The following LRP1B variants were observed in gnomAD, a reference collection of about 807,000 sequenced individuals.
LRP1B encodes LDL receptor related protein 1B, also known as low-density lipoprotein receptor-related protein 1B.
Under a neutral mutation model 556.6 loss-of-function variants are expected in LRP1B, and 217 were observed. That is an observed-to-expected ratio of 0.39 (90% CI 0.35 to 0.44). The LOEUF (loss-of-function observed/expected upper bound fraction) is 0.44, where lower values mean the gene tolerates loss of function less well. LRP1B is among the 20% of genes least tolerant of loss of function. The probability of loss-of-function intolerance (pLI) is 1.00; values close to 1 mark genes in which losing one functional copy is unlikely to be tolerated. For missense variants in LRP1B, 5,053 were observed against 5,620.8 expected, an observed-to-expected ratio of 0.90 and a Z score of 3.23; for synonymous variants, 2,047 against 1,865.8, an observed-to-expected ratio of 1.10 and a Z score of -2.50.
intron 57 of LRP1B, among the ~76,000 whole-genome samples, chr2:140,488,907 G>A (rs1465675420): frequency 6.6e-6 from 1 of 151,928 alleles, no homozygotes; most frequent in Non-Finnish European, 1.5e-5. Flanking sequence ...TTGCCGGGAG[G>A]AGGGAGAAAG....
intron 1 of LRP1B, among the ~76,000 whole-genome samples, chr2:142,055,101 A>G (rs953508528): frequency 1.3e-5 from 2 of 152,138 alleles, no homozygotes; most frequent in Admixed American, 6.6e-5. Flanking sequence ...ATAGGGATAT[A>G]ATAGTGGACA....
At chr2:140,717,996 T>C (rs558281719) in intron 35 of LRP1B, among the ~76,000 whole-genome samples, 2 of 152,152 alleles carry the variant, frequency 1.3e-5, no homozygotes, top group South Asian at 2.1e-4. Context: ...GGTAAAAACA[T>C]CAATTCACAT....
At chr2:141,837,508 T>C (rs981021611) in intron 1 of LRP1B, among the ~76,000 whole-genome samples, 6 of 152,076 alleles carry the variant, frequency 3.9e-5, no homozygotes, top group Non-Finnish European at 7.4e-5. Flanking sequence ...ATCTTAAGGG[T>C]ATCCTTGACC....
At chr2:141,425,796 G>C (rs1041234501) in intron 3 of LRP1B, among the ~76,000 whole-genome samples, 2 of 151,452 alleles carry the variant, frequency 1.3e-5, no homozygotes, top group African/African-American at 4.9e-5. Flanking sequence ...ATTTGTTTGA[G>C]TTCATTGTAG....
At chr2:141,055,983 G>T (rs1229961527) in intron 9 of LRP1B, among the ~76,000 whole-genome samples, 1 of 151,588 alleles carries the variant, frequency 6.6e-6, no homozygotes, top group African/African-American at 2.4e-5. Flanking sequence ...AAAGTGAAAA[G>T]AAATAATAGG....
chr2:140,415,709 A>C (rs1418185851), intron 66 of LRP1B, among the ~76,000 whole-genome samples: 1 of 152,174 alleles, frequency 6.6e-6, no homozygotes, highest in South Asian at 2.1e-4. Context: ...GCCTGGCCTG[A>C]GTTCTGAACA....
At chr2:141,145,318 G>A (rs10191985) in intron 7 of LRP1B, among the ~76,000 whole-genome samples, 151,709 of 152,160 alleles carry the variant, frequency 1, 75,629 homozygotes, top group Middle Eastern at 1. Context: ...CAGAACTTGA[G>A]TTATACTGTA....
At chr2:140,779,670 G>T (rs1174261072) in intron 32 of LRP1B, among the ~76,000 whole-genome samples, 2 of 149,346 alleles carry the variant, frequency 1.3e-5, no homozygotes, top group Admixed American at 6.7e-5. Flanking sequence ...ACTCGAGCCC[G>T]GGTGACAGAG....
At position 140,570,736 on chromosome 2, in the gene LRP1B, T is replaced by C. The variant is rs551536400; in HGVS notation, c.7194+27895A>G. ...CCACAAAAAAGAAAGTATAGACCCA[T>C]ATCCATGATGAATATCAGTACAAAA... On this transcript the variant is annotated intron_variant, in intron 43 of 90. Coordinates refer to ENST00000389484, the MANE Select transcript of LRP1B (RefSeq NM_018557.3). 7.9e-5 allele frequency among the ~76,000 whole-genome samples: 12 copies of C among 151,826 alleles called. No individual in the cohort carries two copies. The East Asian group carries it at 2.1e-3, about 27-fold the overall frequency.
Position 141,032,818 on chromosome 2 carries a change from T to TACATACATACATACATACATAC in LRP1B, c.1790-12717_1790-12716insGTATGTATGTATGTATGTATGT, listed in dbSNP as rs1698411329. ...GCAGGTATATGTGTGTGTGTATATA[T>TACATACATACATACATACATAC]ATACATACATATATATATATATGCA... On this transcript the variant is annotated intron_variant, in intron 11 of 90. Transcript: ENST00000389484. 3.5e-5 allele frequency among the ~76,000 whole-genome samples: 5 copies of TACATACATACATACATACATAC among 141,736 alleles called. 1 individual carries two copies. Among genetic ancestry groups the TACATACATACATACATACATAC allele is most frequent in the Non-Finnish European group, 7.6e-5 (5 of 65,886 alleles). 93.0% of individuals were successfully genotyped at this position (141,736 alleles called of 152,430 possible). A position where few individuals can be genotyped will look rare whatever the true frequency, so the allele number is the denominator to read the frequency against.
In LRP1B at chr2:140,791,939, A is replaced by C. The variant is rs145699840; in HGVS notation, c.5360-15701T>G. Among the ~76,000 whole-genome samples, 715 of 152,270 alleles carry C rather than the reference A, an allele frequency of 4.7e-3. 10 individuals carry two copies. Among genetic ancestry groups the C allele is most frequent in the African/African-American group, 0.016 (650 of 41,540 alleles). On this transcript the variant is annotated intron_variant, in intron 32 of 90. Coordinates refer to ENST00000389484, the MANE Select transcript of LRP1B (RefSeq NM_018557.3). Reference sequence around the variant, plus strand: ...TTTTTCTACCTGAAAGTAGGGCGTAAATTTCCCTTTCTGAAGGTGATATAA... The same window carrying C: ...TTTTTCTACCTGAAAGTAGGGCGTACATTTCCCTTTCTGAAGGTGATATAA...
chr2:140,797,866 G>T (rs566799521), intron 32 of LRP1B, among the ~76,000 whole-genome samples: 57 of 152,220 alleles, frequency 3.7e-4, no homozygotes, highest in Admixed American at 1.4e-3. Flanking sequence ...TAGTCAGTTT[G>T]CATTTCCTGT....
intron 7 of LRP1B, among the ~76,000 whole-genome samples, chr2:141,078,813 AAAG>A (rs1699855882): frequency 6.6e-6 from 1 of 152,260 alleles, no homozygotes; most frequent in Admixed American, 6.5e-5. Context: ...CAATTAAAAA[AAAG>A]AACTCAAATT....
chr2:140,876,654 T>TCCAGGAGC (rs1693315300), intron 25 of LRP1B, among the ~76,000 whole-genome samples: 1 of 152,136 alleles, frequency 6.6e-6, no homozygotes, highest in African/African-American at 2.4e-5. Context: ...CAAGTTTATC[T>TCCAGGAGC]TGGAACCTCA....
At chr2:141,668,641 C>G (rs1452936860) in intron 2 of LRP1B, among the ~76,000 whole-genome samples, 1 of 152,164 alleles carries the variant, frequency 6.6e-6, no homozygotes, top group East Asian at 1.9e-4. Flanking sequence ...TCACTGAGAG[C>G]CTTCTCCACC....
At chr2:140,439,330 T>C (rs1007989572) in intron 66 of LRP1B, among the ~76,000 whole-genome samples, 1 of 152,226 alleles carries the variant, frequency 6.6e-6, no homozygotes, top group Non-Finnish European at 1.5e-5. Flanking sequence ...TACAGTCTAA[T>C]ATAACTGTAT....
intron 1 of LRP1B, among the ~76,000 whole-genome samples, chr2:141,975,430 T>A (rs1574550708): frequency 6.6e-6 from 1 of 152,038 alleles, no homozygotes; most frequent in East Asian, 1.9e-4. Context: ...TTTAAAACTC[T>A]GCAGCTGGTC....
In LRP1B at chr2:141,360,585, T is replaced by C. The variant is rs114914657; in HGVS notation, c.344-105944A>G. Among the ~76,000 whole-genome samples the C allele has an allele frequency of 7.2e-3, 1,090 of 152,336 alleles. 15 individuals carry two copies. The highest frequency in any genetic ancestry group is 0.025 in the African/African-American group (1,034 of 41,580). ...AAAGAAAGACATATACTCCAGGTAA[T>C]GTAAAGGTGGTGTAACTGAACCACT... On this transcript the variant is annotated intron_variant, in intron 3 of 90. Coordinates refer to ENST00000389484, the MANE Select transcript of LRP1B (RefSeq NM_018557.3).
chr2:141,005,506 T>G (rs1306933326), intron 14 of LRP1B, 49 bp from the exon 15 acceptor site: 1 of 1,597,708 alleles, frequency 6.3e-7, no homozygotes, highest in South Asian at 1.1e-5. Flanking sequence ...ATTCACGTTC[T>G]TTCTAGGAGG....
Sources: gnomAD v4.1 joint callset for allele counts (sites outside exome capture counted in the v4.1 genomes callset) on GRCh38, gnomAD v4.1.1 for gene constraint, MANE v1.5 for transcripts, NCBI Gene and HGNC (gene_info 2026-07-23, HGNC 2026-07-21) for gene names.